Variants in ANK2 observed in about 807,000 individuals in gnomAD.
The protein encoded by ANK2 is ankyrin-2.
Under a neutral mutation model 360.5 loss-of-function variants are expected in ANK2, and 83 were observed. That is an observed-to-expected ratio of 0.23 (90% CI 0.19 to 0.28). The LOEUF (loss-of-function observed/expected upper bound fraction) is 0.28, where lower values mean the gene tolerates loss of function less well. Among genes scored for constraint, ANK2 ranks in the 10% least tolerant of loss-of-function variants. The pLI is 1.00. For missense variants in ANK2, 4,201 were observed against 4,795.7 expected (o/e 0.88, Z 3.66); for synonymous variants, 1,740 against 1,759.5 (o/e 0.99, Z 0.28).
At chr4:113,068,157 G>A (rs1379196722) in intron 1 of ANK2, among the ~76,000 whole-genome samples, 1 of 152,132 alleles carries the variant, frequency 6.6e-6, no homozygotes, top group Non-Finnish European at 1.5e-5. Flanking sequence ...CCACATCTTT[G>A]CAACAATCAC....
At chr4:113,124,762 C>A (rs548926491) in intron 1 of ANK2, among the ~76,000 whole-genome samples, 1 of 152,156 alleles carries the variant, frequency 6.6e-6, no homozygotes, top group South Asian at 2.1e-4. Context: ...GAAATTATTT[C>A]ATTGTATATC....
chr4:112,815,103 T>A (rs7667142), upstream of ANK2, among the ~76,000 whole-genome samples: 88,598 of 151,434 alleles, frequency 0.59, 26,859 homozygotes, highest in East Asian at 0.93. Flanking sequence ...CTGGTCTTGA[T>A]CTCCTGACCT....
intron 2 of ANK2, among the ~76,000 whole-genome samples, chr4:112,919,436 C>T (rs367841679): frequency 6.6e-6 from 1 of 151,916 alleles, no homozygotes; most frequent in Admixed American, 6.5e-5. Context: ...TGAAGTCCAA[C>T]GTGTCAGGTA....
intron 2 of ANK2, among the ~76,000 whole-genome samples, chr4:112,933,351 A>G (rs2154239352): frequency 6.6e-6 from 1 of 152,366 alleles, no homozygotes; most frequent in Non-Finnish European, 1.5e-5. Context: ...AAAAAATTAA[A>G]CAAAAACAAA....
At chr4:113,178,197 G>T (rs762343158) in intron 2 of ANK2, among the ~76,000 whole-genome samples, 2 of 152,020 alleles carry the variant, frequency 1.3e-5, no homozygotes, top group Non-Finnish European at 2.9e-5. Context: ...GTTCCAGGCT[G>T]CAGTTAGCTA....
At chr4:113,319,858 TA>T (rs1423093230) in intron 26 of ANK2, among the ~76,000 whole-genome samples, 2 of 152,104 alleles carry the variant, frequency 1.3e-5, no homozygotes, top group African/African-American at 2.4e-5. Context: ...TTCACAGTGG[TA>T]AGAAGGAAAA....
chr4:112,948,628 G>C (rs768442947), intron 2 of ANK2, among the ~76,000 whole-genome samples: 1 of 151,908 alleles, frequency 6.6e-6, no homozygotes, highest in Non-Finnish European at 1.5e-5. Flanking sequence ...CTTTTTCCTG[G>C]CCCTGGCTAT....
intron 1 of ANK2, among the ~76,000 whole-genome samples, chr4:113,139,579 T>C (rs1187363964): frequency 6.6e-6 from 1 of 152,224 alleles, no homozygotes. Context: ...TAAATTGTTT[T>C]ATTCACATTG....
intron 2 of ANK2, among the ~76,000 whole-genome samples, chr4:112,957,493 C>G (rs542332636): frequency 6.6e-6 from 1 of 152,228 alleles, no homozygotes; most frequent in Non-Finnish European, 1.5e-5. Flanking sequence ...ACAAAACCAC[C>G]ATTGTCATCA....
chr4:113,292,613 T>C (rs754365239), intron 21 of ANK2, 99 bp downstream of exon 21: 4 of 1,261,626 alleles, frequency 3.2e-6, no homozygotes, highest in Non-Finnish European at 4.5e-6. Flanking sequence ...ATTCCTCCTC[T>C]TTAAATAAGC....
intron 2 of ANK2, among the ~76,000 whole-genome samples, chr4:112,924,982 G>A (rs144340269): frequency 7.8e-4 from 118 of 152,028 alleles, no homozygotes; most frequent in African/African-American, 2.6e-3. Context: ...GGGACTACAG[G>A]TGCCTGCCAC....
intron 2 of ANK2, among the ~76,000 whole-genome samples, chr4:112,967,633 G>A (rs1259784383): frequency 5.3e-5 from 8 of 152,152 alleles, no homozygotes; most frequent in Non-Finnish European, 1.0e-4. Flanking sequence ...TTTGTAGTAA[G>A]TCAAAAGCGT....
intron 2 of ANK2, among the ~76,000 whole-genome samples, chr4:112,924,380 AAGAAAAAC>A (rs529706950): frequency 8.0e-4 from 122 of 151,948 alleles, no homozygotes; most frequent in African/African-American, 2.8e-3. Flanking sequence ...AAAAAAAAAA[AAGAAAAAC>A]AGAAAAAAAG....
At chr4:112,986,135 A>G in intron 2 of ANK2, among the ~76,000 whole-genome samples, 1 of 146,646 alleles carries the variant, frequency 6.8e-6, no homozygotes. Context: ...TGGTTCATAG[A>G]ATCAGAGAAT....
intron 1 of ANK2, among the ~76,000 whole-genome samples, chr4:113,129,016 G>A (rs1374790861): frequency 6.6e-6 from 1 of 152,042 alleles, no homozygotes; most frequent in Non-Finnish European, 1.5e-5. Flanking sequence ...GAACAGGCTC[G>A]GAAAATGATG....
At chr4:112,749,965 C>G in the ANK2 span, among the ~76,000 whole-genome samples, 16 of 152,240 alleles carry the variant, frequency 1.1e-4, no homozygotes, top group Non-Finnish European at 1.9e-4. Flanking sequence ...AGGCTGGTCT[C>G]GATCTCCTGA....
rs148234093 is a variant in ANK2 at position 113,354,141 on chromosome 4, G to T, written c.5523G>T (p.Arg1841Ser). The T allele has an allele frequency of 1.2e-6, 2 of 1,613,950 alleles. No homozygotes were observed. The highest frequency in any genetic ancestry group is 1.7e-6 in the Non-Finnish European group (2 of 1,179,946). ...STLSSSAKTE[R>S]HPPVSPSSKT... The stretch of plus-strand genomic sequence containing the variant: ...TTTCCTCTTCCGCAAAAACTGAAAG[G>T]CACCCTCCAGTATCACCATCAAGTA... The change falls in exon 38 of 46, where the codon AGG becomes AGT. Residue 1841 changes from arginine to serine, a missense_variant. Transcript: ENST00000357077.
At chr4:113,065,176 A>T (rs1442309906) in intron 1 of ANK2, among the ~76,000 whole-genome samples, 1 of 101,690 alleles carries the variant, frequency 9.8e-6, no homozygotes, top group Non-Finnish European at 2.0e-5. Flanking sequence ...AACTTCTAAC[A>T]AAAATGTTAG....
the ANK2 span, among the ~76,000 whole-genome samples, chr4:112,793,997 A>G: frequency 1.3e-5 from 2 of 152,246 alleles, no homozygotes; most frequent in East Asian, 3.9e-4. Context: ...GTGCCCAGCC[A>G]ATAATTTTCT....
Sources: gnomAD v4.1 joint callset for allele counts (sites outside exome capture counted in the v4.1 genomes callset) on GRCh38, gnomAD v4.1.1 for gene constraint, MANE v1.5 for transcripts, NCBI Gene and HGNC (gene_info 2026-07-23, HGNC 2026-07-21) for gene names.